Variants in CDH11 observed in about 807,000 individuals in gnomAD.
CDH11 encodes the protein cadherin-11.
CDH11 carries 11 observed loss-of-function variants against 67.8 expected under a neutral mutation model. The ratio of observed to expected loss-of-function variants is 0.16; its 90% confidence interval spans 0.10 to 0.27. The LOEUF (loss-of-function observed/expected upper bound fraction) is 0.27. Among genes scored for constraint, CDH11 ranks in the 10% least tolerant of loss-of-function variants. The pLI, the probability that CDH11 is intolerant of heterozygous loss-of-function variation, is 1.00. For synonymous variants in CDH11, 419 were observed against 400.0 expected (o/e 1.05, Z -0.57); for missense variants, 847 against 1,031.2 (o/e 0.82, Z 2.45).
rs533854606 is a variant in CDH11 at position 65,066,311 on chromosome 16, C to G, written c.-297-12383G>C. On this transcript the variant is annotated intron_variant, in intron 1 of 12. Transcript: ENST00000268603. ...ACTACACACACGCACAAAGCTTACA[C>G]TGTGGCATCATCTCCGCCAACCACT... Among the ~76,000 whole-genome samples, 13 of 152,334 alleles carry G rather than the reference C, an allele frequency of 8.5e-5. No homozygotes were observed. The South Asian group carries it at 2.7e-3, about 32-fold the overall frequency.
intron 12 of CDH11, among the ~76,000 whole-genome samples, chr16:64,949,485 G>T (rs1432857360): frequency 3.4e-5 from 5 of 148,318 alleles, no homozygotes; most frequent in Non-Finnish European, 5.9e-5. Flanking sequence ...GAAGTGCAAC[G>T]GCGCCATCTT....
intron 1 of CDH11, among the ~76,000 whole-genome samples, chr16:65,073,932 AC>A (rs2142775903): frequency 6.6e-6 from 1 of 152,216 alleles, no homozygotes; most frequent in South Asian, 2.1e-4. Context: ...GGGGAAGCAA[AC>A]ACCTGAGTTT....
intron 1 of CDH11, among the ~76,000 whole-genome samples, chr16:65,110,324 G>A (rs1468869891): frequency 6.6e-6 from 1 of 152,154 alleles, no homozygotes; most frequent in Non-Finnish European, 1.5e-5. Context: ...ACAAGGATAT[G>A]TAGGGAAATG....
chr16:64,982,102 G>T lies in CDH11; in HGVS notation c.1199C>A (p.Thr400Asn). ...TTTGGCATGCACTCTCCCAACCACG[G>T]TGCCAGCAGCTGCATTTTCTTGGAC... The part of the protein sequence containing the change: ...HEVQENAAAG[T>N]VVGRVHAKDP... The change falls in exon 8 of 13, where the codon ACC (threonine) becomes AAC (asparagine). Residue 400 changes from threonine to asparagine, a missense_variant. Thr to Asn is a moderately conservative substitution (Grantham distance 65, BLOSUM62 0). Transcript: ENST00000268603. The T allele has an allele frequency of 6.2e-7, 1 of 1,614,050 alleles. No individual in the cohort carries two copies. Among genetic ancestry groups the T allele is most frequent in the Non-Finnish European group, 8.5e-7 (1 of 1,179,958 alleles).
intron 8 of CDH11, among the ~76,000 whole-genome samples, chr16:64,979,214 C>T (rs1470906037): frequency 1.3e-5 from 2 of 152,212 alleles, no homozygotes; most frequent in African/African-American, 4.8e-5. Context: ...CTTTGGAAGG[C>T]AGAAACAGGT....
intron 4 of CDH11, among the ~76,000 whole-genome samples, chr16:64,995,918 C>T (rs923953437): frequency 2.6e-5 from 4 of 151,874 alleles, no homozygotes; most frequent in African/African-American, 4.8e-5. Context: ...ACAATGTGGG[C>T]AAAAGTGGGC....
At chr16:64,962,388 T>C (rs1597020378) in intron 11 of CDH11, among the ~76,000 whole-genome samples, 2 of 152,068 alleles carry the variant, frequency 1.3e-5, no homozygotes, top group African/African-American at 2.4e-5. Flanking sequence ...CGTCCCCAGA[T>C]TGGAGACAGA....
At position 64,948,703 on chromosome 16, in the gene CDH11, T is replaced by C. The variant is rs377068299; in HGVS notation, c.1895-604A>G. ...ACAAAATCTTCTGTTTACTTTAACATAGGAAAATAGCATCAGCTGGAAGCC... is the reference window on the plus strand; with the variant it reads ...ACAAAATCTTCTGTTTACTTTAACACAGGAAAATAGCATCAGCTGGAAGCC... On this transcript the variant is annotated intron_variant, in intron 12 of 12. Transcript: ENST00000268603. The C allele has an allele frequency of 7.1e-5, 114 of 1,605,852 alleles. No homozygotes were observed. The African/African-American group carries it at 1.4e-3, about 20-fold the overall frequency.
chr16:64,984,418 C>T (rs191378475), intron 7 of CDH11, among the ~76,000 whole-genome samples: 9 of 152,312 alleles, frequency 5.9e-5, no homozygotes, highest in Admixed American at 5.9e-4. Context: ...ACAATTTATT[C>T]CCTTCCTCCC....
At chr16:65,115,711 AAAAAAAAAAAC>A (rs1168513555) in intron 1 of CDH11, among the ~76,000 whole-genome samples, 2 of 135,658 alleles carry the variant, frequency 1.5e-5, no homozygotes, top group African/African-American at 5.3e-5. Context: ...CTACACCAAA[AAAAAAAAAAAC>A]AAAAAAACAA....
In CDH11 at chr16:64,945,629, G is replaced by GTGTA. The variant is rs1388052562; in HGVS notation, c.*1970_*1973dup. ...CTGCAATTATGGAAGTATTGAGAAT[G>GTGTA]TGTAATCCTTCACTGAGATGAAAGA... On this transcript the variant is annotated 3_prime_UTR_variant, in exon 13 of 13. Coordinates refer to ENST00000268603, the MANE Select transcript of CDH11 (RefSeq NM_001797.4). 1.9e-6 allele frequency: 2 copies of GTGTA among 1,035,692 alleles called. No homozygotes were observed. The highest frequency in any genetic ancestry group is 1.2e-4 in the East Asian group (2 of 16,744). The allele number at this position is 1,035,692 out of a possible 1,614,324, so 64.2% of individuals were successfully genotyped here. A position where few individuals can be genotyped will look rare whatever the true frequency, so the allele number is the denominator to read the frequency against.
chr16:65,075,054 C>T (rs1281432650), intron 1 of CDH11, among the ~76,000 whole-genome samples: 1 of 152,158 alleles, frequency 6.6e-6, no homozygotes, highest in Non-Finnish European at 1.5e-5. Flanking sequence ...TACACCCTGG[C>T]AAACATAAGC....
chr16:64,977,566 G>A (rs909069882), intron 8 of CDH11, among the ~76,000 whole-genome samples: 3 of 152,054 alleles, frequency 2.0e-5, no homozygotes, highest in African/African-American at 7.2e-5. Context: ...GTGTTAGAAG[G>A]GTCCATAGTC....
In CDH11 at chr16:64,950,813, G is replaced by A; in HGVS notation, c.1848C>T (p.Ser616=). The A allele has an allele frequency of 1.2e-6, 2 of 1,614,154 alleles. No homozygotes were observed. The highest frequency in any genetic ancestry group is 1.7e-5 in the Admixed American group (1 of 60,032). The change falls in exon 12 of 13, where the codon AGC becomes AGT. Residue 616 remains serine, a synonymous_variant. Coordinates refer to ENST00000268603, the MANE Select transcript of CDH11 (RefSeq NM_001797.4). ...CGAGGATGGCGATCAGGGCGCCTGT[G>A]CTCAGGCCGGCGTTCAGAATGTAGG... is the stretch of plus-strand genomic sequence containing the variant. ...AEAYILNAGL[S]TGALIAILAC...
chr16:65,004,704 C>T lies in CDH11; in HGVS notation c.166G>A (p.Val56Ile). ...QVLQRSKRGW[V>I]WNQFFVIEEY... is the part of the protein sequence containing the mutation. ...TCTATCACGAAGAACTGGTTCCAGA[C>T]CCAGCCACGCTTGGAGCGCTGTAGC... The change falls in exon 3 of 13, where the codon GTC becomes ATC. Residue 56 changes from valine to isoleucine, a missense_variant. Physicochemically the swap from Val to Ile is conservative, Grantham distance 29. Coordinates refer to ENST00000268603, the MANE Select transcript of CDH11 (RefSeq NM_001797.4). 6.2e-7 allele frequency: 1 copy of T among 1,614,000 alleles called. No homozygotes were observed. Among genetic ancestry groups the T allele is most frequent in the Non-Finnish European group, 8.5e-7 (1 of 1,180,028 alleles).
At chr16:64,999,917 A>C (rs914241114) in intron 3 of CDH11, among the ~76,000 whole-genome samples, 2 of 152,168 alleles carry the variant, frequency 1.3e-5, no homozygotes, top group East Asian at 3.9e-4. Context: ...GTTACTACAA[A>C]CAATTCAACT....
chr16:64,977,731 G>C (rs187979674), intron 8 of CDH11, among the ~76,000 whole-genome samples: 2 of 152,110 alleles, frequency 1.3e-5, no homozygotes, highest in African/African-American at 2.4e-5. Context: ...GACTGTCCAC[G>C]TGACTTTAAA....
intron 1 of CDH11, among the ~76,000 whole-genome samples, chr16:65,086,255 C>T (rs1346094084): frequency 6.6e-6 from 1 of 152,166 alleles, no homozygotes; most frequent in Non-Finnish European, 1.5e-5. Flanking sequence ...GCAGCTAGTA[C>T]CAGGATGCTG....
intron 1 of CDH11, among the ~76,000 whole-genome samples, chr16:65,117,821 A>G (rs1347822600): frequency 6.6e-6 from 1 of 151,996 alleles, no homozygotes; most frequent in Admixed American, 6.5e-5. Context: ...TTGCCAGAAA[A>G]AAATCCAGAA....
Sources: gnomAD v4.1 joint callset for allele counts (sites outside exome capture counted in the v4.1 genomes callset) on GRCh38, gnomAD v4.1.1 for gene constraint, MANE v1.5 for transcripts, NCBI Gene and HGNC (gene_info 2026-07-23, HGNC 2026-07-21) for gene names.